Variants in MYO19 observed in about 807,000 individuals in gnomAD.
The protein encoded by MYO19 is unconventional myosin-XIX.
In MYO19, 132 loss-of-function variants were observed where a neutral mutation model predicts 129.2. That is an observed-to-expected ratio of 1.02 (90% CI 0.89 to 1.18). MYO19 has a LOEUF of 1.18. MYO19 is among the 50% of genes most tolerant of loss of function. MYO19 has a pLI of 0.00. For missense variants in MYO19, 1,210 were observed against 1,216.7 expected (o/e 0.99, Z 0.08); for synonymous variants, 531 against 477.2 (o/e 1.11, Z -1.47).
intron 18 of MYO19, 87 bp downstream of exon 18, chr17:36,506,369 C>T: frequency 1.3e-6 from 2 of 1,555,940 alleles, no homozygotes; most frequent in Non-Finnish European, 8.8e-7. Context: ...CCCCAACAAA[C>T]AGCACCGATC....
Position 36,507,929 on chromosome 17 carries a change from G to C in MYO19, c.1232-5C>G. 1 of 1,594,426 alleles carries C rather than the reference G, an allele frequency of 6.3e-7. No individual in the cohort carries two copies. ...ATCCATACACATCCAGCAGGCCTGG[G>C]AAGATGGCAGAGAACCCATGGGGCC... On this transcript the variant is annotated splice_region_variant and splice_polypyrimidine_tract_variant and intron_variant, in intron 14 of 25. Coordinates refer to ENST00000614623, the MANE Select transcript of MYO19 (RefSeq NM_001163735.2).
chr17:36,501,457 G>A, intron 21 of MYO19: 1 of 496,340 alleles, frequency 2.0e-6, no homozygotes, highest in Non-Finnish European at 3.5e-6. Context: ...ATACCCACTT[G>A]CGCCTGTGTG....
intron 6 of MYO19, among the ~76,000 whole-genome samples, chr17:36,520,979 T>C (rs1414025424): frequency 6.6e-6 from 1 of 152,256 alleles, no homozygotes; most frequent in African/African-American, 2.4e-5. Context: ...ATAATTTCTA[T>C]TCACCAACAG....
In MYO19 at chr17:36,501,218, C is replaced by T. The variant is rs185252611; in HGVS notation, c.2098G>A (p.Glu700Lys). ...KGLPEWCPHS[E>K]EATLEPLIQD... is the part of the protein sequence containing the mutation. ...ATGAGAGGTTCAAGCGTGGCTTCCT[C>T]GCTGTGTGGACACCATTCTGGGGGA... Residue 700 changes from glutamate (E) to lysine (K), a missense_variant, in exon 22 of 26, where the codon GAG (glutamate) becomes AAG (lysine). By Grantham distance (56) the Glu-to-Lys change is moderately conservative (BLOSUM62 1). Coordinates refer to ENST00000614623, the MANE Select transcript of MYO19 (RefSeq NM_001163735.2). 28 of 1,612,232 alleles carry T rather than the reference C, an allele frequency of 1.7e-5. No individual in the cohort carries two copies. Among genetic ancestry groups the T allele is most frequent in the East Asian group, 6.7e-5 (3 of 44,880 alleles).
chr17:36,531,123 G>A (rs549064806), intron 3 of MYO19, among the ~76,000 whole-genome samples: 2 of 151,630 alleles, frequency 1.3e-5, no homozygotes, highest in African/African-American at 2.4e-5. Flanking sequence ...GGCTGGGCGC[G>A]GTGGCTCACG....
chr17:36,544,329 G>A (rs1187175643), upstream of MYO19, among the ~76,000 whole-genome samples: 3 of 152,206 alleles, frequency 2.0e-5, no homozygotes, highest in Non-Finnish European at 4.4e-5. Flanking sequence ...TACGCAGCGG[G>A]CCCCTGGCGA....
chr17:36,504,266 C>T, intron 19 of MYO19: 1 of 481,070 alleles, frequency 2.1e-6, no homozygotes. Flanking sequence ...TCTGATACAG[C>T]TGAAGCAAGT....
chr17:36,520,665 A>AT (rs111731933), intron 6 of MYO19, among the ~76,000 whole-genome samples: 1 of 152,292 alleles, frequency 6.6e-6, no homozygotes, highest in African/African-American at 2.4e-5. Context: ...GAAGACCTTT[A>AT]TGAGGATCCA....
intron 11 of MYO19, 27 bp from the exon 12 acceptor site, chr17:36,511,482 A>G: frequency 6.5e-7 from 1 of 1,549,704 alleles, no homozygotes. Context: ...GATGGGTGGG[A>G]GTAGGAGAGG....
upstream of MYO19, chr17:36,537,354 G>A (rs117789606): frequency 6.3e-4 from 1,018 of 1,613,740 alleles, 10 homozygotes; most frequent in East Asian, 0.019. Flanking sequence ...TGAGCTTCTC[G>A]GTGTAATTAT....
chr17:36,532,804 A>C (rs1277981789), intron 2 of MYO19, 123 bp from the exon 3 acceptor site: 3 of 572,928 alleles, frequency 5.2e-6, no homozygotes, highest in Non-Finnish European at 9.3e-6. Flanking sequence ...CTGGGCGGAG[A>C]GTGGGCCTGT....
At chr17:36,500,622 T>G in intron 23 of MYO19, 2 of 637,808 alleles carry the variant, frequency 3.1e-6, no homozygotes, top group Non-Finnish European at 5.1e-6. Flanking sequence ...CAGAGCACCT[T>G]TGTTTGTGGA....
chr17:36,537,050 A>T (rs1287509847), upstream of MYO19: 1 of 1,487,872 alleles, frequency 6.7e-7, no homozygotes, highest in Non-Finnish European at 9.1e-7. Context: ...TTACACAAGA[A>T]TGCTGCTTTT....
rs1289137048 is a variant in MYO19, at chr17:36,499,205, A to G, written c.2378-45T>C. ...ACAGGAAAGAGATAATAAAGGGGCC[A>G]TTAGAGCTGTCAGTGACCTCGCTGC... On this transcript the variant is annotated intron_variant, in intron 23 of 25. Coordinates refer to ENST00000614623, the MANE Select transcript of MYO19 (RefSeq NM_001163735.2). 4.8e-6 allele frequency: 7 copies of G among 1,471,930 alleles called. No homozygotes were observed. The Admixed American group carries it at 1.2e-4, about 24-fold the overall frequency. The allele number at this position is 1,471,930 out of a possible 1,614,324, so 91.2% of individuals were successfully genotyped here. A position where few individuals can be genotyped will look rare whatever the true frequency, so the allele number is the denominator to read the frequency against.
At chr17:36,502,293 C>T (rs2071589411) in intron 21 of MYO19, among the ~76,000 whole-genome samples, 1 of 152,196 alleles carries the variant, frequency 6.6e-6, no homozygotes, top group Non-Finnish European at 1.5e-5. Context: ...CTAAAGCCTG[C>T]CTAAGTGCCT....
rs117947296 is a variant in MYO19, at chr17:36,506,930, C to T, written c.1644+33G>A. ...AGCAAAGACCCAGCATCTCGTTTCT[C>T]GCAGGCCCCACAGGGCATGGCCCAG... On this transcript the variant is annotated intron_variant, in intron 17 of 25. Transcript: ENST00000614623. The T allele has an allele frequency of 8.2e-3, 12,493 of 1,525,800 alleles. 56 individuals are homozygous for T. The highest frequency in any genetic ancestry group is 0.01 in the Non-Finnish European group (11,420 of 1,132,292). 94.5% of individuals were successfully genotyped at this position (1,525,800 alleles called of 1,614,324 possible).
intron 16 of MYO19, 117 bp downstream of exon 16, chr17:36,507,282 A>G: frequency 7.1e-7 from 1 of 1,409,928 alleles, no homozygotes; most frequent in South Asian, 1.2e-5. Context: ...AGCAATTAGC[A>G]GATCTATTTG....
intron 23 of MYO19, chr17:36,499,654 C>CTTTTTTTT (rs1260911885): frequency 1.4e-5 from 1 of 73,092 alleles, no homozygotes; most frequent in African/African-American, 6.0e-5. Flanking sequence ...TATTCTTTTT[C>CTTTTTTTT]TTTTTGTTTC....
chr17:36,520,870 T>TG (rs1484607349), intron 6 of MYO19, among the ~76,000 whole-genome samples: 1 of 152,216 alleles, frequency 6.6e-6, no homozygotes, highest in African/African-American at 2.4e-5. Context: ...TTCAATTGCG[T>TG]GGGGAGTTGG....
Sources: gnomAD v4.1 joint callset for allele counts (sites outside exome capture counted in the v4.1 genomes callset) on GRCh38, gnomAD v4.1.1 for gene constraint, MANE v1.5 for transcripts, NCBI Gene and HGNC (gene_info 2026-07-23, HGNC 2026-07-21) for gene names.